The following TEX11 variants were observed in gnomAD, a reference collection of about 807,000 sequenced individuals.
The protein encoded by TEX11 is testis expressed 11, also known as testis-expressed protein 11.
In TEX11, 7 loss-of-function variants were observed where a neutral mutation model predicts 84.4. The observed-to-expected ratio is 0.08, with a 90% CI of 0.05 to 0.16. The LOEUF is 0.16. Among genes scored for constraint, TEX11 ranks in the 10% least tolerant of loss-of-function variants. TEX11 has a pLI of 1.00. For synonymous variants in TEX11, 264 were observed against 222.8 expected (o/e 1.18, Z -1.64); for missense variants, 551 against 660.5 (o/e 0.83, Z 1.82).
rs1032741609 is a variant in TEX11, at chrX:70,610,618, T to C, written c.1752-75A>G. On this transcript the variant is annotated intron_variant, in intron 20 of 29. Coordinates refer to ENST00000374333, the MANE Select transcript of TEX11 (RefSeq NM_031276.3). ...AAAACATAACTAAAAAGGGACACTA[T>C]TTGTGCCTGAGAATTGAACTAAGAA... 7.8e-6 allele frequency: 8 copies of C among 1,030,003 alleles called. No homozygotes were observed. The Admixed American group carries it at 2.1e-4, about 27-fold the overall frequency. The allele number at this position is 1,030,003 out of a possible 1,213,427, so 84.9% of individuals were successfully genotyped here. A position where few individuals can be genotyped will look rare whatever the true frequency, so the allele number is the denominator to read the frequency against.
At chrX:70,734,857 A>G (rs2090683592) in intron 11 of TEX11, among the ~76,000 whole-genome samples, 1 of 111,571 alleles carries the variant, frequency 9.0e-6, no homozygotes, top group South Asian at 3.8e-4. Context: ...AAGGGCATCT[A>G]TACTAAACCC....
At chrX:70,633,727 GGCCAAC>G (rs1334211082) in intron 17 of TEX11, among the ~76,000 whole-genome samples, 1 of 111,322 alleles carries the variant, frequency 9.0e-6, no homozygotes, top group African/African-American at 3.3e-5. Flanking sequence ...AGACCAGCCT[GGCCAAC>G]GTGGTGAAAC....
intron 13 of TEX11, among the ~76,000 whole-genome samples, chrX:70,685,010 A>G (rs2090176306): frequency 8.9e-6 from 1 of 112,051 alleles, no homozygotes; most frequent in South Asian, 3.7e-4. Context: ...AACCAAGTAT[A>G]TATAGCCAAC....
At chrX:70,558,761 A>G (rs184930207) in intron 25 of TEX11, among the ~76,000 whole-genome samples, 2 of 111,864 alleles carry the variant, frequency 1.8e-5, no homozygotes, top group Admixed American at 1.9e-4. Context: ...GTGTGAATAG[A>G]TACTCTCCAA....
chrX:70,707,311 T>C (rs2090385479), intron 13 of TEX11, among the ~76,000 whole-genome samples: 1 of 110,814 alleles, frequency 9.0e-6, no homozygotes, highest in African/African-American at 3.3e-5. Flanking sequence ...ATATACTCTC[T>C]TTCCAGTAAG....
chrX:70,720,649 A>G (rs2090551377), intron 13 of TEX11, among the ~76,000 whole-genome samples: 1 of 109,904 alleles, frequency 9.1e-6, no homozygotes, highest in Admixed American at 9.8e-5. Context: ...ACATAACTGC[A>G]TTTTACAACA....
chrX:70,710,291 T>A (rs935201168), intron 13 of TEX11, among the ~76,000 whole-genome samples: 4 of 111,833 alleles, frequency 3.6e-5, no homozygotes, highest in Non-Finnish European at 7.5e-5. Context: ...TTTTTTGTTT[T>A]AAATTTTTCA....
At chrX:70,841,752 A>G (rs1301691866) in intron 7 of TEX11, among the ~76,000 whole-genome samples, 1 of 111,909 alleles carries the variant, frequency 8.9e-6, no homozygotes, top group African/African-American at 3.2e-5. Context: ...ATAAAGAAGA[A>G]AAGAGAGAAG....
intron 25 of TEX11, among the ~76,000 whole-genome samples, chrX:70,565,203 T>C: frequency 9.0e-6 from 1 of 111,694 alleles, no homozygotes; most frequent in Non-Finnish European, 1.9e-5. Context: ...ATAAATGTCT[T>C]CTTTTGAGAA....
intron 7 of TEX11, among the ~76,000 whole-genome samples, chrX:70,839,159 G>C (rs914439282): frequency 8.9e-6 from 1 of 112,057 alleles, no homozygotes; most frequent in Non-Finnish European, 1.9e-5. Flanking sequence ...CTCCCAGCAC[G>C]CAGCTTGAGA....
At chrX:70,765,069 G>C (rs1023592386) in intron 9 of TEX11, among the ~76,000 whole-genome samples, 10 of 111,328 alleles carry the variant, frequency 9.0e-5, no homozygotes, top group Non-Finnish European at 1.5e-4. Context: ...AAAAATCCTC[G>C]ACAAAATATT....
In TEX11 at chrX:70,725,284, T is replaced by A. The variant is rs2090591237; in HGVS notation, c.903A>T (p.Thr301=). Residue 301 remains threonine, a synonymous_variant, in exon 12 of 30, where the codon ACA becomes ACT. Transcript: ENST00000374333. ...LKMKILLKGE[T]SNEELLEAVM... ...TACCTTCAAGGAGTTCTTCATTAGA[T>A]GTTTCGCCTTTCAAGAGGATTTTCA... 2 of 1,199,171 alleles carry A rather than the reference T, an allele frequency of 1.7e-6. No homozygotes were observed. The highest frequency in any genetic ancestry group is 2.3e-6 in the Non-Finnish European group (2 of 886,788).
At chrX:70,685,039 C>T (rs1262208232) in intron 13 of TEX11, among the ~76,000 whole-genome samples, 1 of 111,721 alleles carries the variant, frequency 9.0e-6, no homozygotes, top group Non-Finnish European at 1.9e-5. Context: ...GACAAAGGTG[C>T]CCAAAATACA....
At chrX:70,885,888 C>CA (rs780384460) in intron 2 of TEX11, among the ~76,000 whole-genome samples, 5,619 of 41,293 alleles carry the variant, frequency 0.14, 490 homozygotes, top group African/African-American at 0.28. Flanking sequence ...GACACTGCCA[C>CA]AAAAAAAAAA....
chrX:70,823,671 A>G (rs909417767), intron 8 of TEX11, among the ~76,000 whole-genome samples: 1 of 111,657 alleles, frequency 9.0e-6, no homozygotes. Flanking sequence ...ATCAGCTTAA[A>G]GGGCCTCTTA....
intron 9 of TEX11, among the ~76,000 whole-genome samples, chrX:70,757,370 A>G (rs982555803): frequency 8.9e-6 from 1 of 111,795 alleles, no homozygotes; most frequent in Admixed American, 9.5e-5. Flanking sequence ...GCAGCCAGAA[A>G]GAAAGGTCAG....
intron 13 of TEX11, among the ~76,000 whole-genome samples, chrX:70,706,511 T>C (rs768258323): frequency 5.4e-5 from 6 of 111,311 alleles, no homozygotes; most frequent in Non-Finnish European, 1.1e-4. Flanking sequence ...GTCAAAACTG[T>C]ATTAATTCTA....
At chrX:70,587,345 T>C (rs950572158) in intron 25 of TEX11, among the ~76,000 whole-genome samples, 3 of 111,280 alleles carry the variant, frequency 2.7e-5, no homozygotes, top group African/African-American at 6.5e-5. Context: ...GAGGGAAAAA[T>C]GGTTTCCTGG....
At chrX:70,842,569 C>G (rs1442097541) in intron 7 of TEX11, among the ~76,000 whole-genome samples, 4 of 111,863 alleles carry the variant, frequency 3.6e-5, no homozygotes, top group Non-Finnish European at 3.8e-5. Context: ...TGAAAACTGA[C>G]ACAAGACAGG....
Sources: allele counts gnomAD v4.1 joint callset (sites outside exome capture counted in the v4.1 genomes callset), GRCh38; gene constraint gnomAD v4.1.1; transcripts MANE v1.5; gene names NCBI Gene and HGNC (gene_info 2026-07-23, HGNC 2026-07-21).